The following ZNF69 variants were observed in gnomAD, a reference collection of about 807,000 sequenced individuals.
ZNF69 encodes ZNF3.
Under a neutral mutation model 50.9 loss-of-function variants are expected in ZNF69, and 47 were observed. The ratio of observed to expected loss-of-function variants is 0.92; its 90% confidence interval spans 0.73 to 1.18. The LOEUF (loss-of-function observed/expected upper bound fraction) is 1.18. Ranked by LOEUF, ZNF69 falls within the 50% of genes most tolerant of loss-of-function variation. ZNF69 has a pLI of 0.00. For missense variants in ZNF69, 717 were observed against 675.1 expected (o/e 1.06, Z -0.69); for synonymous variants, 216 against 223.1 (o/e 0.97, Z 0.29).
At chr19:11,897,780 G>A (rs1374094071) in intron 1 of ZNF69, among the ~76,000 whole-genome samples, 4 of 149,806 alleles carry the variant, frequency 2.7e-5, no homozygotes, top group Admixed American at 2.0e-4. Flanking sequence ...GCTGAGGCAG[G>A]AGAATGGCAT....
At chr19:11,975,555 G>A in the ZNF69 span, among the ~76,000 whole-genome samples, 6 of 151,896 alleles carry the variant, frequency 4.0e-5, no homozygotes, top group Non-Finnish European at 8.8e-5. Flanking sequence ...CCGCCACCGC[G>A]TCCAGCCAAT....
chr19:11,958,762 T>C, the ZNF69 span, among the ~76,000 whole-genome samples: 1 of 152,240 alleles, frequency 6.6e-6, no homozygotes, highest in African/African-American at 2.4e-5. Context: ...CCTTGTGAGC[T>C]GTGGGTGAGG....
chr19:11,959,959 C>G, the ZNF69 span, among the ~76,000 whole-genome samples: 2 of 151,456 alleles, frequency 1.3e-5, no homozygotes, highest in Admixed American at 6.6e-5. Flanking sequence ...GAGCATTTTT[C>G]CTATATGATC....
intron 1 of ZNF69, among the ~76,000 whole-genome samples, chr19:11,894,010 A>G (rs1409729199): frequency 6.6e-6 from 1 of 152,240 alleles, no homozygotes. Flanking sequence ...CTGCAAAGCA[A>G]GATATGCATG....
chr19:11,936,829 G>A, the ZNF69 span, among the ~76,000 whole-genome samples: 26,901 of 152,108 alleles, frequency 0.18, 5,103 homozygotes, highest in African/African-American at 0.48. Flanking sequence ...TAGGTCTAAC[G>A]TTTAAGTCTT....
chr19:11,943,452 C>G, the ZNF69 span, among the ~76,000 whole-genome samples: 1 of 152,196 alleles, frequency 6.6e-6, no homozygotes, highest in East Asian at 1.9e-4. Flanking sequence ...TAGCTTGTAA[C>G]CATATGATCC....
At chr19:11,925,376 G>A in the ZNF69 span, 6 of 1,543,648 alleles carry the variant, frequency 3.9e-6, no homozygotes, top group Non-Finnish European at 5.3e-6. Context: ...GCGACTCCGG[G>A]GTCTGGGACC....
At chr19:11,924,990 AC>A in the ZNF69 span, 1 of 486,308 alleles carries the variant, frequency 2.1e-6, no homozygotes, top group East Asian at 4.2e-5. Flanking sequence ...GGGGCCTGAT[AC>A]CCAGGGCTTC....
At chr19:11,955,205 A>G in the ZNF69 span, among the ~76,000 whole-genome samples, 1 of 151,560 alleles carries the variant, frequency 6.6e-6, no homozygotes, top group African/African-American at 2.4e-5. Flanking sequence ...GGATTTCACC[A>G]TATTGGGTAA....
At chr19:11,897,010 A>G (rs1194335158) in intron 1 of ZNF69, among the ~76,000 whole-genome samples, 2 of 152,088 alleles carry the variant, frequency 1.3e-5, no homozygotes, top group Non-Finnish European at 2.9e-5. Context: ...TAATCATTTT[A>G]TATCCTTCCT....
the ZNF69 span, chr19:11,948,431 T>C: frequency 6.2e-7 from 1 of 1,614,182 alleles, no homozygotes; most frequent in African/African-American, 1.3e-5. Flanking sequence ...GAAGTTGGCA[T>C]AGGTAACTCA....
the ZNF69 span, among the ~76,000 whole-genome samples, chr19:11,964,619 A>G: frequency 1.3e-5 from 2 of 152,052 alleles, no homozygotes; most frequent in Admixed American, 6.6e-5. Flanking sequence ...GGCCCGCTCA[A>G]GGACATGTGC....
At chr19:11,945,269 G>A in the ZNF69 span, among the ~76,000 whole-genome samples, 1 of 152,198 alleles carries the variant, frequency 6.6e-6, no homozygotes. Flanking sequence ...GTACTGCAAA[G>A]TTTGGGATCC....
At chr19:11,917,039 T>G (rs1599269629), downstream of ZNF69, among the ~76,000 whole-genome samples, 6 of 152,214 alleles carry the variant, frequency 3.9e-5, 1 homozygote, top group Admixed American at 3.9e-4. Context: ...GGAACTTGAG[T>G]AAGGTGTTGT....
chr19:11,976,754 T>A, the ZNF69 span: 11 of 587,696 alleles, frequency 1.9e-5, no homozygotes, highest in Non-Finnish European at 2.7e-5. Context: ...TAATCCCAGC[T>A]ACTCGGGAGG....
the ZNF69 span, among the ~76,000 whole-genome samples, chr19:11,977,730 A>G: frequency 2.6e-5 from 4 of 152,166 alleles, no homozygotes; most frequent in Admixed American, 1.3e-4. Context: ...TGTGGTATGC[A>G]TCGTAGTCCT....
chr19:11,892,174 C>T (rs1286738889), intron 1 of ZNF69, among the ~76,000 whole-genome samples: 3 of 133,522 alleles, frequency 2.2e-5, no homozygotes, highest in African/African-American at 8.6e-5. Flanking sequence ...CAGGTGGCAT[C>T]TTGATATGTT....
At chr19:11,960,915 T>A in the ZNF69 span, among the ~76,000 whole-genome samples, 21 of 152,318 alleles carry the variant, frequency 1.4e-4, 2 homozygotes, top group East Asian at 3.7e-3. Flanking sequence ...TCTGATTACA[T>A]TGTCTCCAAA....
intron 1 of ZNF69, among the ~76,000 whole-genome samples, chr19:11,892,321 T>C (rs1241504220): frequency 6.6e-6 from 1 of 152,096 alleles, no homozygotes; most frequent in Non-Finnish European, 1.5e-5. Flanking sequence ...CCCCCAGCGC[T>C]TGTTTTCTTT....
Sources: allele counts gnomAD v4.1 joint callset (sites outside exome capture counted in the v4.1 genomes callset), GRCh38; gene constraint gnomAD v4.1.1; transcripts MANE v1.5; gene names NCBI Gene and HGNC (gene_info 2026-07-23, HGNC 2026-07-21).